Variants in PHACTR1 observed in about 807,000 individuals in gnomAD.
The protein encoded by PHACTR1 is RPEL repeat containing 1.
Under a neutral mutation model 69.2 loss-of-function variants are expected in PHACTR1, and 16 were observed. That is an observed-to-expected ratio of 0.23 (90% CI 0.16 to 0.35). PHACTR1 has a LOEUF of 0.35. Ranked by LOEUF, PHACTR1 falls within the 10% of genes least tolerant of loss-of-function variation. The probability of loss-of-function intolerance (pLI) is 1.00; values close to 1 mark genes in which losing one functional copy is unlikely to be tolerated. For synonymous variants in PHACTR1, 312 were observed against 284.5 expected (o/e 1.10, Z -0.97); for missense variants, 510 against 734.7 (o/e 0.69, Z 3.54).
intron 3 of PHACTR1, among the ~76,000 whole-genome samples, chr6:12,731,355 C>T (rs544038705): frequency 6.6e-6 from 1 of 152,250 alleles, no homozygotes; most frequent in South Asian, 2.1e-4. Flanking sequence ...TATTCTGTTT[C>T]ATTTAGTTGA....
chr6:13,122,622 T>C (rs1818909456), intron 5 of PHACTR1, among the ~76,000 whole-genome samples: 1 of 152,242 alleles, frequency 6.6e-6, no homozygotes, highest in Non-Finnish European at 1.5e-5. Flanking sequence ...AGATGGGGGT[T>C]CATTGTACTG....
intron 4 of PHACTR1, among the ~76,000 whole-genome samples, chr6:12,960,214 A>T (rs1409858938): frequency 6.6e-6 from 1 of 152,210 alleles, no homozygotes; most frequent in Non-Finnish European, 1.5e-5. Context: ...TGGGAAGTAA[A>T]TTATATAGAA....
intron 1 of PHACTR1, 85 bp downstream of exon 1, chr6:12,716,981 G>T (rs1330435006): frequency 6.7e-6 from 1 of 150,262 alleles, no homozygotes; most frequent in Non-Finnish European, 1.5e-5. Flanking sequence ...GTTGTGGGGG[G>T]AGTGGGGATC....
chr6:13,126,875 G>T (rs539215846), intron 5 of PHACTR1, among the ~76,000 whole-genome samples: 7 of 152,176 alleles, frequency 4.6e-5, no homozygotes, highest in Non-Finnish European at 1.0e-4. Flanking sequence ...CGTAGGAGAG[G>T]CAAATTTTTA....
In PHACTR1 at chr6:13,093,910, C is replaced by T. The variant is rs183932505; in HGVS notation, c.415+40381C>T. On this transcript the variant is annotated intron_variant, in intron 5 of 14. Coordinates refer to ENST00000332995, the MANE Select transcript of PHACTR1 (RefSeq NM_030948.6). ...ATTTTGAGACAGGGTTTTGCTCTGT[C>T]ACCCGGGCTGGGGTGCAGTGGTGCA... Among the ~76,000 whole-genome samples the T allele has an allele frequency of 2.8e-4, 42 of 152,258 alleles. No homozygotes were observed. The South Asian group carries it at 3.5e-3, about 13-fold the overall frequency.
At chr6:13,184,822 AG>A in intron 7 of PHACTR1, 3 of 1,366,564 alleles carry the variant, frequency 2.2e-6, no homozygotes, top group Non-Finnish European at 2.9e-6. Flanking sequence ...TCCCTCTGCC[AG>A]TGAGTCTGGA....
intron 4 of PHACTR1, among the ~76,000 whole-genome samples, chr6:12,975,302 T>C (rs764631852): frequency 6.6e-6 from 1 of 152,188 alleles, no homozygotes; most frequent in Non-Finnish European, 1.5e-5. Context: ...GAAAATTAAT[T>C]TGCAGCTACA....
intron 4 of PHACTR1, among the ~76,000 whole-genome samples, chr6:12,906,758 A>T (rs1406442799): frequency 6.6e-6 from 1 of 152,162 alleles, no homozygotes; most frequent in African/African-American, 2.4e-5. Context: ...TGAATGGGAA[A>T]CCCACTCTCA....
chr6:12,787,091 T>A (rs1421890279), intron 4 of PHACTR1, among the ~76,000 whole-genome samples: 1 of 152,196 alleles, frequency 6.6e-6, no homozygotes, highest in Non-Finnish European at 1.5e-5. Context: ...ATGATTTGAA[T>A]GGAAAGTTCT....
At position 12,768,210 on chromosome 6, in the gene PHACTR1, G is replaced by T. The variant is rs1045619129; in HGVS notation, c.250+18420G>T. On this transcript the variant is annotated intron_variant, in intron 4 of 14. Coordinates refer to ENST00000332995, the MANE Select transcript of PHACTR1 (RefSeq NM_030948.6). ...GCTCACTGCAAGCTCCGCCTCCGGG[G>T]TTCACACCATTCTCCTGCCTCAGCC... 6.6e-5 allele frequency among the ~76,000 whole-genome samples: 10 copies of T among 151,540 alleles called. No homozygotes were observed. In the East Asian group the frequency reaches 1.9e-3, roughly 29 times the overall value.
chr6:13,227,384 A>G (rs148666434), intron 8 of PHACTR1, among the ~76,000 whole-genome samples: 14 of 152,330 alleles, frequency 9.2e-5, no homozygotes, highest in African/African-American at 3.4e-4. Flanking sequence ...TCACTATCAA[A>G]TTAATCCTTT....
intron 4 of PHACTR1, among the ~76,000 whole-genome samples, chr6:12,921,491 GGAAGGAAGGAAA>G (rs1463360176): frequency 7.3e-6 from 1 of 137,794 alleles, no homozygotes; most frequent in Admixed American, 7.2e-5. Flanking sequence ...AAGGAGGGAA[GGAAGGAAGGAAA>G]GAAGGAAGGA....
intron 5 of PHACTR1, among the ~76,000 whole-genome samples, chr6:13,072,834 C>T (rs1046404780): frequency 2.0e-5 from 3 of 151,944 alleles, no homozygotes; most frequent in African/African-American, 2.4e-5. Context: ...CAATTTACAC[C>T]TCCTGTGATA....
chr6:13,286,591 A>G (rs1423814343), intron 14 of PHACTR1, among the ~76,000 whole-genome samples: 1 of 152,228 alleles, frequency 6.6e-6, no homozygotes, highest in African/African-American at 2.4e-5. Context: ...CCACATCCAC[A>G]CGGGACTTCC....
At chr6:12,973,992 G>C (rs1417470354) in intron 4 of PHACTR1, among the ~76,000 whole-genome samples, 1 of 133,528 alleles carries the variant, frequency 7.5e-6, no homozygotes, top group East Asian at 2.1e-4. Context: ...CACGATCTCA[G>C]CTCGCTGCAA....
At chr6:12,750,538 GGGAA>G (rs1018098200) in intron 4 of PHACTR1, among the ~76,000 whole-genome samples, 1 of 143,802 alleles carries the variant, frequency 7.0e-6, no homozygotes, top group African/African-American at 2.6e-5. Context: ...GAAAGAAGGA[GGGAA>G]GGAAGGAAGG....
chr6:12,862,712 A>G (rs1781063517), intron 4 of PHACTR1, among the ~76,000 whole-genome samples: 1 of 152,174 alleles, frequency 6.6e-6, no homozygotes, highest in African/African-American at 2.4e-5. Context: ...AGGAAACTGA[A>G]AAAAAAGCAC....
At chr6:13,092,745 A>G (rs1813493632) in intron 5 of PHACTR1, among the ~76,000 whole-genome samples, 1 of 152,208 alleles carries the variant, frequency 6.6e-6, no homozygotes, top group South Asian at 2.1e-4. Flanking sequence ...GAATGTAGGA[A>G]GCCCTGGATG....
rs138132039 is a variant in PHACTR1, at chr6:12,853,214, T to A, written c.250+103424T>A. On this transcript the variant is annotated intron_variant, in intron 4 of 14. Transcript: ENST00000332995. The stretch of plus-strand genomic sequence containing the variant: ...AAAAACAATCCTGGGCTCAAAAAGT[T>A]AGTCTCTTGAAGAAATGGTAAACCT... 7.2e-5 allele frequency among the ~76,000 whole-genome samples: 11 copies of A among 152,302 alleles called. No homozygotes were observed. The East Asian group carries it at 1.5e-3, about 21-fold the overall frequency.
Sources: allele counts gnomAD v4.1 joint callset (sites outside exome capture counted in the v4.1 genomes callset), GRCh38; gene constraint gnomAD v4.1.1; transcripts MANE v1.5; gene names NCBI Gene and HGNC (gene_info 2026-07-23, HGNC 2026-07-21).